LAMP3: variants seen among roughly 807,000 people sequenced by gnomAD.
The protein encoded by LAMP3 is lysosome-associated membrane glycoprotein 3.
In LAMP3, 26 loss-of-function variants were observed where a neutral mutation model predicts 34.8. The observed-to-expected ratio is 0.75, with a 90% CI of 0.55 to 1.04. The LOEUF (loss-of-function observed/expected upper bound fraction) is 1.04, where lower values mean the gene tolerates loss of function less well. LAMP3 is among the 50% of genes least tolerant of loss of function. The pLI is 0.00. For synonymous variants in LAMP3, 180 were observed against 201.9 expected (o/e 0.89, Z 0.92); for missense variants, 495 against 524.0 (o/e 0.94, Z 0.54).
At chr3:183,157,362 A>G (rs1720851100) in intron 1 of LAMP3, among the ~76,000 whole-genome samples, 1 of 152,186 alleles carries the variant, frequency 6.6e-6, no homozygotes, top group Non-Finnish European at 1.5e-5. Flanking sequence ...TTTTATGCCC[A>G]TGTCATGGAG....
At chr3:183,130,718 G>A (rs771597999) in intron 5 of LAMP3, among the ~76,000 whole-genome samples, 2 of 152,112 alleles carry the variant, frequency 1.3e-5, no homozygotes, top group Non-Finnish European at 2.9e-5. Context: ...TGGAGCGATC[G>A]TCTGCTTTGG....
intron 5 of LAMP3, among the ~76,000 whole-genome samples, chr3:183,133,571 G>T (rs1719991510): frequency 6.6e-6 from 1 of 152,148 alleles, no homozygotes; most frequent in South Asian, 2.1e-4. Context: ...GGCCAGGCTG[G>T]TCTCATAGTC....
At position 183,135,752 on chromosome 3, in the gene LAMP3, T is replaced by G; in HGVS notation, c.1082A>C (p.Gln361Pro). ...LQVKTTDVQLQAFDFEDDHFG... is the reference protein window; with the variant it reads ...LQVKTTDVQLPAFDFEDDHFG... ...GTGGTCATCTTCAAAATCAAAGGCT[T>G]GAAGTTGGACATCGGTTGTTTTCAC... Residue 361 changes from glutamine (Q) to proline (P), a missense_variant, in exon 5 of 6, where the codon CAA (glutamine) becomes CCA (proline). Physicochemically the swap from Gln to Pro is moderately conservative, Grantham distance 76. Coordinates refer to ENST00000265598, the MANE Select transcript of LAMP3 (RefSeq NM_014398.4). 6.2e-7 allele frequency: 1 copy of G among 1,614,198 alleles called. No individual in the cohort carries two copies. Among genetic ancestry groups the G allele is most frequent in the Non-Finnish European group, 8.5e-7 (1 of 1,180,014 alleles).
chr3:183,154,909 A>T (rs1368892875), intron 1 of LAMP3, among the ~76,000 whole-genome samples: 1 of 150,612 alleles, frequency 6.6e-6, no homozygotes, highest in Non-Finnish European at 1.5e-5. Context: ...TCTAGTCCAA[A>T]CTCCAATCTT....
At chr3:183,142,838 A>T (rs955861) in intron 3 of LAMP3, among the ~76,000 whole-genome samples, 106,512 of 152,112 alleles carry the variant, frequency 0.7, 39,916 homozygotes, top group Non-Finnish European at 0.85. Flanking sequence ...TTCATGGGGC[A>T]ACAGCAAAGC....
chr3:183,162,570 G>C (rs906791534), intron 1 of LAMP3, 37 bp downstream of exon 1: 5 of 1,544,746 alleles, frequency 3.2e-6, no homozygotes, highest in Admixed American at 2.0e-5. Context: ...GGACCGACAC[G>C]TCAGGGCCAC....
At chr3:183,129,857 T>A (rs1023832316) in intron 5 of LAMP3, among the ~76,000 whole-genome samples, 2 of 152,130 alleles carry the variant, frequency 1.3e-5, no homozygotes, top group South Asian at 4.1e-4. Context: ...GGACACAGGG[T>A]CTTTCAAGAA....
chr3:183,125,493 A>G (rs1197311543), intron 5 of LAMP3, among the ~76,000 whole-genome samples: 3 of 152,216 alleles, frequency 2.0e-5, no homozygotes, highest in Non-Finnish European at 1.5e-5. Flanking sequence ...GTGCCTTAAT[A>G]CCTTACTGAT....
rs1348072606 is a variant in LAMP3, at chr3:183,153,738, T to G, written c.703A>C (p.Arg235=). Residue 235 remains arginine (R), a synonymous_variant, in exon 2 of 6, where the codon AGA becomes CGA. Coordinates refer to ENST00000265598, the MANE Select transcript of LAMP3 (RefSeq NM_014398.4). ...CCCATCTCTGCTTTTATACAGAGTC[T>G]GCTTCCGTTTAGAACCTGATAAATT... is the stretch of plus-strand genomic sequence containing the variant. ...TGIYQVLNGS[R]LCIKAEMGIQ... 1.9e-6 allele frequency: 3 copies of G among 1,540,198 alleles called. No individual in the cohort carries two copies. Among genetic ancestry groups the G allele is most frequent in the Non-Finnish European group, 2.6e-6 (3 of 1,145,992 alleles).
chr3:183,132,298 A>G (rs971661846), intron 5 of LAMP3: 1 of 922,154 alleles, frequency 1.1e-6, no homozygotes, highest in Non-Finnish European at 1.3e-6. Flanking sequence ...TTAAAATAAT[A>G]GCATATTAAG....
intron 5 of LAMP3, among the ~76,000 whole-genome samples, chr3:183,127,421 C>A (rs1719807506): frequency 6.6e-6 from 1 of 152,156 alleles, no homozygotes; most frequent in South Asian, 2.1e-4. Flanking sequence ...GACACTGTGC[C>A]CAGACAACTC....
Position 183,124,015 on chromosome 3 carries a change from C to T in LAMP3, c.*66G>A, listed in dbSNP as rs1719724878. On this transcript the variant is annotated 3_prime_UTR_variant, in exon 6 of 6. Transcript: ENST00000265598. The stretch of plus-strand genomic sequence containing the variant: ...CCCACACTCTGAGGGAATTTCCCAA[C>T]ATCCATCCTGGAAGGGATGAAAGAG... 6.3e-7 allele frequency: 1 copy of T among 1,578,654 alleles called. No homozygotes were observed. Among genetic ancestry groups the T allele is most frequent in the Non-Finnish European group, 8.7e-7 (1 of 1,149,990 alleles).
upstream of LAMP3, chr3:183,162,788 G>C (rs1721018345): frequency 1.2e-6 from 1 of 813,636 alleles, no homozygotes; most frequent in African/African-American, 1.8e-5. Flanking sequence ...GCCCGCCCAG[G>C]GCCGCTGGGC....
intron 5 of LAMP3, among the ~76,000 whole-genome samples, chr3:183,133,531 T>C (rs1719990501): frequency 6.6e-6 from 1 of 152,148 alleles, no homozygotes; most frequent in South Asian, 2.1e-4. Flanking sequence ...GTTTTTTGTA[T>C]GTTTAGTAGA....
At chr3:183,145,685 G>A (rs7646607) in intron 3 of LAMP3, among the ~76,000 whole-genome samples, 101,136 of 151,902 alleles carry the variant, frequency 0.67, 33,925 homozygotes, top group Non-Finnish European at 0.71. Flanking sequence ...GCGAAACCCC[G>A]TCTCTACTAA....
chr3:183,155,787 TAGAC>T (rs1720805508), intron 1 of LAMP3, among the ~76,000 whole-genome samples: 1 of 152,242 alleles, frequency 6.6e-6, no homozygotes. Flanking sequence ...TGCCTGCACA[TAGAC>T]AGTGTTCAGT....
At chr3:183,136,653 GA>G (rs63647060) in intron 4 of LAMP3, among the ~76,000 whole-genome samples, 29 of 100,592 alleles carry the variant, frequency 2.9e-4, no homozygotes, top group South Asian at 7.9e-4. Flanking sequence ...CTCCGTTTCA[GA>G]AAAAAAAAAA....
At chr3:183,149,599 A>T (rs1222560894) in intron 3 of LAMP3, among the ~76,000 whole-genome samples, 1 of 126,848 alleles carries the variant, frequency 7.9e-6, no homozygotes, top group Non-Finnish European at 1.7e-5. Flanking sequence ...ATATATATAT[A>T]TATATATGTA....
chr3:183,158,238 C>T (rs942261416), intron 1 of LAMP3: 11 of 152,116 alleles, frequency 7.2e-5, no homozygotes, highest in African/African-American at 2.7e-4. Context: ...ATGTATATGA[C>T]CACACACATG....
Sources: gnomAD v4.1 joint callset for allele counts (sites outside exome capture counted in the v4.1 genomes callset) on GRCh38, gnomAD v4.1.1 for gene constraint, MANE v1.5 for transcripts, NCBI Gene and HGNC (gene_info 2026-07-23, HGNC 2026-07-21) for gene names.